The following ZNF331 variants were observed in gnomAD, a reference collection of about 807,000 sequenced individuals.
ZNF331 encodes the protein zinc finger protein 331, also known as C2H2-like zinc finger protein rearranged in thyroid adenomas.
Under a neutral mutation model 7.0 loss-of-function variants are expected in ZNF331, and 2 were observed. The ratio of observed to expected loss-of-function variants is 0.29; its 90% CI spans 0.12 to 0.90. The LOEUF (loss-of-function observed/expected upper bound fraction) is 0.90. ZNF331 is among the 40% of genes least tolerant of loss of function. The pLI is 0.58. For missense variants in ZNF331, 432 were observed against 587.7 expected (o/e 0.74, Z 2.74); for synonymous variants, 196 against 205.4 (o/e 0.95, Z 0.39).
At chr19:53,534,375 C>T (rs1314429822), upstream of ZNF331, among the ~76,000 whole-genome samples, 1 of 152,076 alleles carries the variant, frequency 6.6e-6, no homozygotes, top group African/African-American at 2.4e-5. Context: ...GCAAACTCCA[C>T]CTCCCAGATT....
chr19:53,539,291 CCTT>C lies in ZNF331; in HGVS notation c.-138+10_-138+12del, dbSNP rs2087963593. ...ACATCTGAAAGGGTCAGGTGAGTATCCTTTTTTTTTTATATTAAATGATATGTG... is the reference window on the plus strand; with the variant it reads ...ACATCTGAAAGGGTCAGGTGAGTATCTTTTTTTTATATTAAATGATATGTG... On this transcript the variant is annotated intron_variant, in intron 2 of 5. Coordinates refer to ENST00000449416, the MANE Select transcript of ZNF331 (RefSeq NM_001079906.2). The surrounding 1 kb of genome is among the most constrained non-coding windows in gnomAD (Gnocchi z 6.1). 1 of 126,360 alleles carries C rather than the reference CCTT, an allele frequency of 7.9e-6. No individual in the cohort carries two copies. The highest frequency in any genetic ancestry group is 1.7e-5 in the Non-Finnish European group (1 of 59,428). 7.8% of individuals were successfully genotyped at this position (126,360 alleles called of 1,614,324 possible).
At chr19:53,570,319 T>C (rs2090380484) in intron 4 of ZNF331, among the ~76,000 whole-genome samples, 1 of 149,860 alleles carries the variant, frequency 6.7e-6, no homozygotes, top group Non-Finnish European at 1.5e-5. Flanking sequence ...GTAATAAATA[T>C]GAAGATCTTC....
intron 2 of ZNF331, among the ~76,000 whole-genome samples, chr19:53,544,674 A>T (rs2088470694): frequency 6.6e-6 from 1 of 152,156 alleles, no homozygotes; most frequent in Admixed American, 6.5e-5. Context: ...TCTGGAAATC[A>T]TAGATAAGAT....
At chr19:53,509,913 A>G in the ZNF331 span, among the ~76,000 whole-genome samples, 135 of 152,344 alleles carry the variant, frequency 8.9e-4, no homozygotes, top group African/African-American at 3.2e-3. Flanking sequence ...ATGTCTTACC[A>G]TTGTGAAAAG....
At chr19:53,517,838 A>G (rs2086939941), upstream of ZNF331, among the ~76,000 whole-genome samples, 1 of 152,142 alleles carries the variant, frequency 6.6e-6, no homozygotes. Flanking sequence ...CCAGTGGTCC[A>G]GAGATAACCA....
intron 3 of ZNF331, among the ~76,000 whole-genome samples, chr19:53,556,308 T>C (rs74812064): frequency 0.041 from 6,218 of 150,470 alleles, 217 homozygotes; most frequent in South Asian, 0.14. Flanking sequence ...CTATCCAAGA[T>C]GACGACTGAT....
rs958590325 is a variant in ZNF331, at chr19:53,573,025, C to T, written c.136+1295C>T. On this transcript the variant is annotated intron_variant, in intron 5 of 5. Coordinates refer to ENST00000449416, the MANE Select transcript of ZNF331 (RefSeq NM_001079906.2). This position sits in a 1 kb window ranked among gnomAD's most constrained non-coding sequence, Gnocchi z 4.2. ...CTGGAGGTCAGGAGTTAGAGACCAG[C>T]CTGGCCAACATGGTGAAACCCTGTC... is the stretch of plus-strand genomic sequence containing the variant. Among the ~76,000 whole-genome samples, 3 of 152,096 alleles carry T rather than the reference C, an allele frequency of 2.0e-5. No individual in the cohort carries two copies. Among genetic ancestry groups the T allele is most frequent in the Non-Finnish European group, 2.9e-5 (2 of 68,016 alleles).
chr19:53,556,709 C>T (rs970995902), intron 3 of ZNF331, among the ~76,000 whole-genome samples: 1 of 152,092 alleles, frequency 6.6e-6, no homozygotes, highest in Non-Finnish European at 1.5e-5. Context: ...GTGATCATAG[C>T]TCACTGCAAC....
chr19:53,527,466 C>T (rs937156491), intron 2 of ZNF331, among the ~76,000 whole-genome samples: 9 of 152,066 alleles, frequency 5.9e-5, no homozygotes, highest in Non-Finnish European at 1.3e-4. Flanking sequence ...CTGAATTGTG[C>T]CAGTGGGCCC....
the ZNF331 span, among the ~76,000 whole-genome samples, chr19:53,511,110 G>C: frequency 6.6e-6 from 1 of 152,120 alleles, no homozygotes; most frequent in Admixed American, 6.6e-5. Context: ...AGGGAAATCA[G>C]GGTGGAGATG....
intron 2 of ZNF331, among the ~76,000 whole-genome samples, chr19:53,523,915 GC>G (rs35777727): frequency 0.32 from 48,774 of 151,794 alleles, 8,005 homozygotes; most frequent in Middle Eastern, 0.42. Flanking sequence ...CCCTCCCCCA[GC>G]CCCCCAACTC....
chr19:53,564,971 G>A (rs2090085932), intron 3 of ZNF331, among the ~76,000 whole-genome samples: 1 of 152,144 alleles, frequency 6.6e-6, no homozygotes, highest in Non-Finnish European at 1.5e-5. Context: ...TCTTAGGCAT[G>A]CATTCATATA....
upstream of ZNF331, among the ~76,000 whole-genome samples, chr19:53,519,680 G>C (rs1229263510): frequency 6.6e-6 from 1 of 152,194 alleles, no homozygotes; most frequent in Non-Finnish European, 1.5e-5. Context: ...TGAAGAGCCA[G>C]GCAGTGCTCC....
chr19:53,506,444 G>GTCTCTCTCTCTCTCTCTCTCTCTCTCTC, the ZNF331 span, among the ~76,000 whole-genome samples: 2 of 86,260 alleles, frequency 2.3e-5, no homozygotes, highest in African/African-American at 5.0e-5. Flanking sequence ...CTCTCTCTCT[G>GTCTCTCTCTCTCTCTCTCTCTCTCTCTC]TCTCTCTCTC....
chr19:53,535,017 CCAAAA>C (rs1158146006), upstream of ZNF331, among the ~76,000 whole-genome samples: 28 of 28,534 alleles, frequency 9.8e-4, no homozygotes, highest in African/African-American at 3.9e-3. Flanking sequence ...AAGCCTGTAA[CCAAAA>C]AAAAAAAAAA....
At chr19:53,516,216 C>T (rs2086899448), upstream of ZNF331, among the ~76,000 whole-genome samples, 1 of 151,970 alleles carries the variant, frequency 6.6e-6, no homozygotes. Context: ...TTTGGGAGGC[C>T]GAGGTGGGCG....
At chr19:53,546,434 T>C (rs1019930879) in intron 2 of ZNF331, among the ~76,000 whole-genome samples, 5 of 152,084 alleles carry the variant, frequency 3.3e-5, no homozygotes, top group Non-Finnish European at 5.9e-5. Context: ...TACCCCCTGG[T>C]TGACCAGCCC....
At chr19:53,556,880 A>G (rs2089463067) in intron 3 of ZNF331, among the ~76,000 whole-genome samples, 1 of 149,440 alleles carries the variant, frequency 6.7e-6, no homozygotes. Context: ...ATCTTGGCTC[A>G]CTTCAACCTC....
At chr19:53,547,858 A>G (rs967353343) in intron 2 of ZNF331, among the ~76,000 whole-genome samples, 3 of 151,984 alleles carry the variant, frequency 2.0e-5, no homozygotes, top group Non-Finnish European at 2.9e-5. Flanking sequence ...TTTTCTGCCC[A>G]TTTATTATCA....
Sources: allele counts gnomAD v4.1 joint callset (sites outside exome capture counted in the v4.1 genomes callset), GRCh38; gene constraint gnomAD v4.1.1; non-coding constraint Gnocchi (gnomAD v3.1); transcripts MANE v1.5; gene names NCBI Gene and HGNC (gene_info 2026-07-23, HGNC 2026-07-21).